The following SNX16 variants were observed in gnomAD, a reference collection of about 807,000 sequenced individuals.
SNX16 encodes sorting nexin 16, also known as sorting nexin-16.
A neutral mutation model predicts 36.7 loss-of-function variants in SNX16; 35 were observed. The ratio of observed to expected loss-of-function variants is 0.95; its 90% CI spans 0.73 to 1.27. The LOEUF (loss-of-function observed/expected upper bound fraction) is 1.27. Among genes scored for constraint, SNX16 ranks in the 50% most tolerant of loss-of-function variants. SNX16 has a pLI of 0.00. For missense variants in SNX16, 367 were observed against 393.6 expected, an observed-to-expected ratio of 0.93 and a Z score of 0.57; for synonymous variants, 134 against 132.0, an observed-to-expected ratio of 1.02 and a Z score of -0.10.
intron 4 of SNX16, among the ~76,000 whole-genome samples, chr8:81,821,527 G>C (rs1019339452): frequency 2.0e-5 from 3 of 151,358 alleles, no homozygotes; most frequent in Non-Finnish European, 1.5e-5. Context: ...TTCTTCCAAG[G>C]CTTTCTCTAT....
At chr8:81,809,551 A>G (rs930567983) in intron 5 of SNX16, among the ~76,000 whole-genome samples, 3 of 152,038 alleles carry the variant, frequency 2.0e-5, no homozygotes, top group Non-Finnish European at 4.4e-5. Flanking sequence ...GCCATAGAAA[A>G]TGTGACAAAG....
At position 81,822,964 on chromosome 8, in the gene SNX16, A is replaced by ATATATATGTATATG. The variant is rs1554546270; in HGVS notation, c.611+827_611+828insCATATACATATATA. On this transcript the variant is annotated intron_variant, in intron 4 of 7. Coordinates refer to ENST00000345957, the MANE Select transcript of SNX16 (RefSeq NM_152836.3). ...TACATATACATATATATATATATAT[A>ATATATATGTATATG]TATATATATATACACATATGTGTGT... 2.6e-3 allele frequency among the ~76,000 whole-genome samples: 335 copies of ATATATATGTATATG among 127,206 alleles called. 2 individuals are homozygous for ATATATATGTATATG. The highest frequency in any genetic ancestry group is 9.3e-3 in the African/African-American group (302 of 32,330). The allele number at this position is 127,206 out of a possible 152,430, so 83.5% of individuals were successfully genotyped here.
chr8:81,808,595 C>A, intron 5 of SNX16: 1 of 961,034 alleles, frequency 1.0e-6, no homozygotes, highest in South Asian at 1.3e-5. Flanking sequence ...ATTTTGGACC[C>A]ATGAAGATGG....
chr8:81,832,246 A>G (rs1811303843), intron 2 of SNX16, among the ~76,000 whole-genome samples: 1 of 152,200 alleles, frequency 6.6e-6, no homozygotes, highest in South Asian at 2.1e-4. Flanking sequence ...AAAAAGAATC[A>G]AATCATGTCC....
chr8:81,838,233 C>G (rs1563457615), intron 2 of SNX16, among the ~76,000 whole-genome samples: 1 of 152,000 alleles, frequency 6.6e-6, no homozygotes, highest in Non-Finnish European at 1.5e-5. Context: ...AAAAAAATGA[C>G]TTAAGTAAAT....
intron 5 of SNX16, among the ~76,000 whole-genome samples, chr8:81,810,529 T>G (rs1810187933): frequency 6.6e-6 from 1 of 152,196 alleles, no homozygotes; most frequent in Admixed American, 6.6e-5. Context: ...ACACAGAATT[T>G]CTTCATTCAC....
Position 81,823,874 on chromosome 8 carries a change from T to C in SNX16, c.529A>G (p.Asn177Asp). 1 of 1,612,156 alleles carries C rather than the reference T, an allele frequency of 6.2e-7. No homozygotes were observed. ...TGTCTGTCTTCTAAAAAGTCAGCAT[T>C]GTAATTATCTTTAAACCAGCGTTTT... is the stretch of plus-strand genomic sequence containing the variant. Reference protein sequence around the residue: ...PPKRWFKDNYNADFLEDRQLG... With the variant: ...PPKRWFKDNYDADFLEDRQLG... The change falls in exon 4 of 8, where the codon AAT becomes GAT. Residue 177 changes from asparagine (N) to aspartate (D), a missense_variant. By Grantham distance (23) the Asn-to-Asp change is conservative. Transcript: ENST00000345957.
intron 4 of SNX16, among the ~76,000 whole-genome samples, chr8:81,822,975 T>TATATAC (rs1443392174): frequency 3.4e-5 from 5 of 146,024 alleles, no homozygotes; most frequent in African/African-American, 7.5e-5. Flanking sequence ...TATATATATA[T>TATATAC]ACACATATGT....
Position 81,829,502 on chromosome 8 carries a change from T to C in SNX16, c.390A>G (p.Leu130=), listed in dbSNP as rs943480528. Residue 130 remains leucine, a synonymous_variant, in exon 3 of 8, where the codon CTA becomes CTG. Transcript: ENST00000345957. ...ERAKFTVYKI[L]VKKTPEESWV... ...AGCTTTCTTCTGGGGTTTTCTTTAC[T>C]AGTATTTTATATACCTATGCACAGG... 2.9e-6 allele frequency: 4 copies of C among 1,382,558 alleles called. No individual in the cohort carries two copies. Among genetic ancestry groups the C allele is most frequent in the African/African-American group, 1.5e-5 (1 of 66,084 alleles). The allele number at this position is 1,382,558 out of a possible 1,614,324, so 85.6% of individuals were successfully genotyped here.
chr8:81,800,110 A>C lies in SNX16; in HGVS notation c.*1387T>G, dbSNP rs948057372. On this transcript the variant is annotated 3_prime_UTR_variant, in exon 8 of 8. Transcript: ENST00000345957. ...TTGATATATGTCATTAGAATTTTAA[A>C]CAGCCACACCTTAATATATATATAC... 1.3e-5 allele frequency: 2 copies of C among 151,858 alleles called. No individual in the cohort carries two copies. Among genetic ancestry groups the C allele is most frequent in the Non-Finnish European group, 3.0e-5 (2 of 67,762 alleles). 9.4% of individuals were successfully genotyped at this position (151,858 alleles called of 1,614,324 possible).
intron 3 of SNX16, among the ~76,000 whole-genome samples, chr8:81,825,055 T>C (rs977671558): frequency 6.6e-6 from 1 of 152,116 alleles, no homozygotes; most frequent in Admixed American, 6.6e-5. Context: ...AAAGGGAGCA[T>C]TCCAAGAAAG....
At chr8:81,822,971 T>G (rs1471449673) in intron 4 of SNX16, among the ~76,000 whole-genome samples, 4 of 147,056 alleles carry the variant, frequency 2.7e-5, no homozygotes, top group Non-Finnish European at 6.0e-5. Context: ...TATATATATA[T>G]ATATACACAT....
chr8:81,838,160 C>T (rs1811575601), intron 2 of SNX16, among the ~76,000 whole-genome samples: 1 of 152,030 alleles, frequency 6.6e-6, no homozygotes, highest in Admixed American at 6.6e-5. Context: ...ACATCCATAT[C>T]CTGAAATAAA....
chr8:81,838,769 CAAATTA>C (rs1278976245), intron 2 of SNX16, among the ~76,000 whole-genome samples: 4 of 151,176 alleles, frequency 2.6e-5, no homozygotes, highest in Admixed American at 2.6e-4. Flanking sequence ...TAAATCAAGC[CAAATTA>C]AAATTAAGAA....
In SNX16 at chr8:81,801,087, T is replaced by C. The variant is rs1330618625; in HGVS notation, c.*410A>G. The C allele has an allele frequency of 6.5e-6, 1 of 152,752 alleles. No individual in the cohort carries two copies. Among genetic ancestry groups the C allele is most frequent in the Non-Finnish European group, 1.5e-5 (1 of 68,128 alleles). The allele number at this position is 152,752 out of a possible 1,614,324, so 9.5% of individuals were successfully genotyped here. The stretch of plus-strand genomic sequence containing the variant: ...TAATGAAAATATGTCATGTCAGAGA[T>C]ATAAAGAAGAATATATCACCCAGAT... On this transcript the variant is annotated 3_prime_UTR_variant, in exon 8 of 8. Transcript: ENST00000345957.
intron 5 of SNX16, among the ~76,000 whole-genome samples, chr8:81,808,901 A>ACTGTATTT (rs1273828915): frequency 1.3e-5 from 2 of 152,084 alleles, no homozygotes; most frequent in Admixed American, 1.3e-4. Context: ...AAACTCGAGG[A>ACTGTATTT]CTGTATTTCT....
At chr8:81,818,252 C>T (rs1816797163) in intron 4 of SNX16, among the ~76,000 whole-genome samples, 1 of 152,018 alleles carries the variant, frequency 6.6e-6, no homozygotes, top group African/African-American at 2.4e-5. Context: ...ATTATATGAA[C>T]TACTGTGTAA....
chr8:81,815,331 T>TTC lies in SNX16; in HGVS notation c.673_674dup (p.Ser226LysfsTer9). The TTC allele has an allele frequency of 6.2e-7, 1 of 1,612,134 alleles. No homozygotes were observed. Among genetic ancestry groups the TTC allele is most frequent in the South Asian group, 1.1e-5 (1 of 90,968 alleles). ...TATATAATACAGCACTTACCCTGCT[T>TTC]TCTTCTAGGCTATCAAATGGACCCG... is the stretch of plus-strand genomic sequence containing the variant. On this transcript the variant is annotated frameshift_variant, in exon 5 of 8. Coordinates refer to ENST00000345957, the MANE Select transcript of SNX16 (RefSeq NM_152836.3). LOFTEE classifies it high-confidence loss of function.
chr8:81,815,405 G>GAA lies in SNX16; in HGVS notation c.612-13_612-12dup. The GAA allele has an allele frequency of 3.4e-6, 5 of 1,492,162 alleles. No individual in the cohort carries two copies. Among genetic ancestry groups the GAA allele is most frequent in the Admixed American group, 1.9e-5 (1 of 53,890 alleles). The allele number at this position is 1,492,162 out of a possible 1,614,324, so 92.4% of individuals were successfully genotyped here. A position where few individuals can be genotyped will look rare whatever the true frequency, so the allele number is the denominator to read the frequency against. On this transcript the variant is annotated splice_polypyrimidine_tract_variant and intron_variant, in intron 4 of 7. Transcript: ENST00000345957. The stretch of plus-strand genomic sequence containing the variant: ...TCTCTCACTGCAAGGCTTTTCAAAG[G>GAA]AAAAAAAAAATGATCTGAAGTACAA...
Sources: allele counts gnomAD v4.1 joint callset (sites outside exome capture counted in the v4.1 genomes callset), GRCh38; gene constraint gnomAD v4.1.1; transcripts MANE v1.5; gene names NCBI Gene and HGNC (gene_info 2026-07-23, HGNC 2026-07-21).